THNSL1: variants seen among roughly 807,000 people sequenced by gnomAD.
THNSL1 encodes threonine synthase-like 1.
A neutral mutation model predicts 50.4 loss-of-function variants in THNSL1; 48 were observed. The ratio of observed to expected loss-of-function variants is 0.95; its 90% CI spans 0.76 to 1.21. The LOEUF (loss-of-function observed/expected upper bound fraction) is 1.21. THNSL1 is among the 50% of genes most tolerant of loss of function. The probability of loss-of-function intolerance (pLI) is 0.00; values close to 1 mark genes in which losing one functional copy is unlikely to be tolerated. For missense variants in THNSL1, 896 were observed against 871.7 expected (o/e 1.03, Z -0.35); for synonymous variants, 309 against 306.1 (o/e 1.01, Z -0.10).
the THNSL1 span, among the ~76,000 whole-genome samples, chr10:24,976,042 A>G: frequency 1.3e-5 from 2 of 152,208 alleles, no homozygotes; most frequent in Non-Finnish European, 2.9e-5. Flanking sequence ...AAATTGTCAC[A>G]TGCACTGTCA....
At chr10:24,987,178 C>T in the THNSL1 span, among the ~76,000 whole-genome samples, 30 of 152,308 alleles carry the variant, frequency 2.0e-4, no homozygotes, top group East Asian at 5.4e-3. Context: ...GTGACTATGA[C>T]CCTCAGCCCA....
At chr10:25,015,788 A>G, upstream of THNSL1, 2 of 1,330,934 alleles carry the variant, frequency 1.5e-6, no homozygotes, top group Non-Finnish European at 2.0e-6. Context: ...AAATTCCAGT[A>G]TATGTATGCT....
chr10:24,999,657 T>A, the THNSL1 span: 1 of 993,314 alleles, frequency 1.0e-6, no homozygotes, highest in South Asian at 1.6e-5. Flanking sequence ...TATATTCGTA[T>A]GGAAAAGCAT....
At chr10:25,004,839 C>T in the THNSL1 span, among the ~76,000 whole-genome samples, 1 of 152,130 alleles carries the variant, frequency 6.6e-6, no homozygotes, top group African/African-American at 2.4e-5. Context: ...TTTGCCCGTG[C>T]CTATGTCCTG....
At chr10:24,991,189 C>T in the THNSL1 span, among the ~76,000 whole-genome samples, 4 of 152,082 alleles carry the variant, frequency 2.6e-5, no homozygotes, top group African/African-American at 9.7e-5. Flanking sequence ...TACTTTACTC[C>T]TAAGAGTTGG....
intron 1 of THNSL1, among the ~76,000 whole-genome samples, chr10:25,020,176 T>A (rs975065458): frequency 1.3e-5 from 2 of 151,898 alleles, no homozygotes; most frequent in African/African-American, 4.8e-5. Context: ...CTAAGGAACA[T>A]GTTTGTGGGA....
the THNSL1 span, among the ~76,000 whole-genome samples, chr10:25,010,349 A>C: frequency 6.6e-6 from 1 of 152,188 alleles, no homozygotes; most frequent in East Asian, 1.9e-4. Flanking sequence ...AGAAATTTCT[A>C]AGCGGCAAAA....
chr10:24,961,721 A>T, the THNSL1 span, among the ~76,000 whole-genome samples: 6 of 152,222 alleles, frequency 3.9e-5, no homozygotes, highest in Non-Finnish European at 5.9e-5. Context: ...TTTACTATAC[A>T]CTATTTTAAA....
At chr10:24,955,180 A>G in the THNSL1 span, among the ~76,000 whole-genome samples, 2 of 152,142 alleles carry the variant, frequency 1.3e-5, no homozygotes, top group African/African-American at 4.8e-5. Flanking sequence ...AGTGCCACAT[A>G]CTTTTAAACC....
At chr10:25,020,237 A>AAT (rs1466042289) in intron 1 of THNSL1, among the ~76,000 whole-genome samples, 2 of 99,966 alleles carry the variant, frequency 2.0e-5, no homozygotes, top group Non-Finnish European at 4.1e-5. Flanking sequence ...TTTTCTTTAA[A>AAT]ATATATCTAT....
the THNSL1 span, among the ~76,000 whole-genome samples, chr10:24,995,483 C>T: frequency 1.3e-5 from 2 of 152,120 alleles, no homozygotes; most frequent in South Asian, 4.1e-4. Context: ...TAACTTCATC[C>T]CATTACATTT....
chr10:24,991,893 C>T, the THNSL1 span, among the ~76,000 whole-genome samples: 3 of 152,198 alleles, frequency 2.0e-5, no homozygotes, highest in South Asian at 2.1e-4. Flanking sequence ...CTGTAAACAT[C>T]GACCCATAGA....
the THNSL1 span, among the ~76,000 whole-genome samples, chr10:24,996,124 G>T: frequency 6.6e-6 from 1 of 152,138 alleles, no homozygotes; most frequent in Non-Finnish European, 1.5e-5. Context: ...AATTAAAATG[G>T]AAATAAATTA....
the THNSL1 span, among the ~76,000 whole-genome samples, chr10:24,991,816 C>A: frequency 6.6e-6 from 1 of 152,216 alleles, no homozygotes; most frequent in Non-Finnish European, 1.5e-5. Context: ...TGAGCAAACA[C>A]AAGCCACCTA....
In THNSL1 at chr10:25,023,774, A is replaced by G. The variant is rs913693360; in HGVS notation, c.551A>G (p.Asp184Gly). The change falls in exon 3 of 3, where the codon GAC (aspartate) becomes GGC (glycine). Residue 184 changes from aspartate (D) to glycine (G), a missense_variant. Transcript: ENST00000376356. ...VGQNSGTSMK[D>G]LLKFRRQYYK... ...CAGAATTCTGGAACATCTATGAAAG[A>G]CTTACTTAAATTTAGAAGACAGTAT... The G allele has an allele frequency of 2.5e-6, 4 of 1,613,920 alleles. No homozygotes were observed. In the African/African-American group the frequency reaches 4.0e-5, roughly 16 times the overall value.
At chr10:25,017,268 A>G (rs1850620256) in intron 1 of THNSL1, among the ~76,000 whole-genome samples, 1 of 152,176 alleles carries the variant, frequency 6.6e-6, no homozygotes, top group South Asian at 2.1e-4. Flanking sequence ...TTTTTGTTCC[A>G]CCTGGTCACC....
the THNSL1 span, among the ~76,000 whole-genome samples, chr10:24,967,072 T>C: frequency 1.3e-5 from 2 of 152,152 alleles, no homozygotes; most frequent in Non-Finnish European, 2.9e-5. Context: ...GCTTTGCACA[T>C]CATAACAGGC....
chr10:25,024,775 G>A lies in THNSL1; in HGVS notation c.1552G>A (p.Val518Met). 3.7e-6 allele frequency: 6 copies of A among 1,614,168 alleles called. No individual in the cohort carries two copies. The highest frequency in any genetic ancestry group is 5.1e-6 in the Non-Finnish European group (6 of 1,180,042). ...AAACTTTGGTAACATTTTAGCAGCA[G>A]TGTATGCCAAAATGATGGGAATCCC... ...TGNFGNILAAVYAKMMGIPIR... is the reference protein window; with the variant it reads ...TGNFGNILAAMYAKMMGIPIR... Residue 518 changes from valine to methionine, a missense_variant, in exon 3 of 3, where the codon GTG becomes ATG. By Grantham distance (21) the Val-to-Met change is conservative. Coordinates refer to ENST00000376356, the MANE Select transcript of THNSL1 (RefSeq NM_024838.5).
the THNSL1 span, among the ~76,000 whole-genome samples, chr10:24,957,528 T>C: frequency 6.6e-6 from 1 of 152,192 alleles, no homozygotes; most frequent in Non-Finnish European, 1.5e-5. Context: ...TTGCCCAGGC[T>C]GGAGTGCAGT....
Sources: allele counts gnomAD v4.1 joint callset (sites outside exome capture counted in the v4.1 genomes callset), GRCh38; gene constraint gnomAD v4.1.1; transcripts MANE v1.5; gene names NCBI Gene and HGNC (gene_info 2026-07-23, HGNC 2026-07-21).